Variants in SEMA3F observed in about 807,000 individuals in gnomAD.
SEMA3F encodes the protein semaphorin-3F.
In SEMA3F, 30 loss-of-function variants were observed where a neutral mutation model predicts 98.5. The observed-to-expected ratio is 0.30, with a 90% confidence interval of 0.23 to 0.41. The LOEUF (loss-of-function observed/expected upper bound fraction) is 0.41. Among genes scored for constraint, SEMA3F ranks in the 10% least tolerant of loss-of-function variants. The pLI, the probability that SEMA3F is intolerant of heterozygous loss-of-function variation, is 1.00. For missense variants in SEMA3F, 866 were observed against 1,119.3 expected, an observed-to-expected ratio of 0.77 and a Z score of 3.23; for synonymous variants, 380 against 444.8, an observed-to-expected ratio of 0.85 and a Z score of 1.83.
intron 2 of SEMA3F, among the ~76,000 whole-genome samples, chr3:50,160,231 C>G (rs996493637): frequency 1.3e-5 from 2 of 152,090 alleles, no homozygotes; most frequent in African/African-American, 4.8e-5. Flanking sequence ...TTCCTATGGT[C>G]TCCAAGTGGG....
At position 50,188,113 on chromosome 3, in the gene SEMA3F, T is replaced by TA; in HGVS notation, c.2356_2357insA (p.Ter786=). The part of the protein sequence containing the change: ...RNRRHHPPDT[*] Reference sequence around the variant, plus strand: ...CCGCCGGCACCACCCTCCGGACACATGAGGCCAGCTGCCTGTGCCTGCCAT... The same window carrying TA: ...CCGCCGGCACCACCCTCCGGACACATAGAGGCCAGCTGCCTGTGCCTGCCAT... The change falls in exon 19 of 19, where the codon TGA becomes TAGA. Residue 786 remains the stop codon, a frameshift_variant and stop_retained_variant. Coordinates refer to ENST00000002829, the MANE Select transcript of SEMA3F (RefSeq NM_004186.5). LOFTEE classifies it high-confidence loss of function. This position sits in a 1 kb window ranked among gnomAD's most constrained non-coding sequence, Gnocchi z 4.5. The TA allele has an allele frequency of 6.7e-7, 1 of 1,484,260 alleles. No individual in the cohort carries two copies. Among genetic ancestry groups the TA allele is most frequent in the Non-Finnish European group, 8.9e-7 (1 of 1,119,642 alleles). 91.9% of individuals were successfully genotyped at this position (1,484,260 alleles called of 1,614,324 possible).
intron 18 of SEMA3F, 124 bp downstream of exon 18, chr3:50,186,870 ATGCAAATCCTT>A: frequency 9.7e-7 from 1 of 1,033,996 alleles, no homozygotes; most frequent in Non-Finnish European, 1.3e-6. Flanking sequence ...CCTTCCCTAC[ATGCAAATCCTT>A]TGAGTGAAAA....
Position 50,185,544 on chromosome 3 carries a change from C to T in SEMA3F, c.1545+13C>T. The T allele has an allele frequency of 6.2e-7, 1 of 1,611,486 alleles. No homozygotes were observed. Among genetic ancestry groups the T allele is most frequent in the Non-Finnish European group, 8.5e-7 (1 of 1,177,688 alleles). On this transcript the variant is annotated intron_variant, in intron 14 of 18. Transcript: ENST00000002829. The stretch of plus-strand genomic sequence containing the variant: ...GGAGGTCTTCAAGGTGGGTGTGACA[C>T]CACCCAGTCCTGACCTCCCCACCTT...
chr3:50,169,212 G>A (rs537192324), intron 2 of SEMA3F, among the ~76,000 whole-genome samples: 1 of 152,324 alleles, frequency 6.6e-6, no homozygotes, highest in South Asian at 2.1e-4. Flanking sequence ...TCGGGTGAGG[G>A]CTGTGGACAC....
intron 7 of SEMA3F, among the ~76,000 whole-genome samples, chr3:50,181,066 CAAA>C (rs74579972): frequency 4.2e-5 from 4 of 95,488 alleles, no homozygotes; most frequent in Admixed American, 1.2e-4. Flanking sequence ...GACTCCATCT[CAAA>C]AAAAAAAAAA....
intron 7 of SEMA3F, among the ~76,000 whole-genome samples, chr3:50,181,740 C>G (rs983584966): frequency 2.6e-5 from 4 of 152,182 alleles, no homozygotes; most frequent in Non-Finnish European, 5.9e-5. Context: ...CCTGCCTCAG[C>G]CTCCCGTGTA....
chr3:50,173,774 C>T lies in SEMA3F; in HGVS notation c.113-19C>T. 6.2e-7 allele frequency: 1 copy of T among 1,612,204 alleles called. No individual in the cohort carries two copies. The highest frequency in any genetic ancestry group is 8.5e-7 in the Non-Finnish European group (1 of 1,178,748). On this transcript the variant is annotated intron_variant, in intron 2 of 18. Transcript: ENST00000002829. ...GGTTTCCTGAAGGTCCTAATTGGTG[C>T]CCTGCCCTCCACCCACAGAGCTGAA... is the stretch of plus-strand genomic sequence containing the variant.
intron 2 of SEMA3F, among the ~76,000 whole-genome samples, chr3:50,170,502 C>T (rs1196717092): frequency 6.6e-6 from 1 of 152,126 alleles, no homozygotes; most frequent in Admixed American, 6.5e-5. Context: ...ATTCCACTCT[C>T]CTTTCCCTGA....
Position 50,182,823 on chromosome 3 carries a change from G to T in SEMA3F, c.903+40G>T, listed in dbSNP as rs781481353. On this transcript the variant is annotated intron_variant, in intron 9 of 18. Coordinates refer to ENST00000002829, the MANE Select transcript of SEMA3F (RefSeq NM_004186.5). The surrounding 1 kb of genome is among the most constrained non-coding windows in gnomAD (Gnocchi z 4.5). The stretch of plus-strand genomic sequence containing the variant: ...AGCCACCAGGCTGCCCCTTCCACCA[G>T]TTCTGGCTTCATCAGCCCTGCTCCA... 3.7e-6 allele frequency: 6 copies of T among 1,611,244 alleles called. 1 individual carries two copies. The highest frequency in any genetic ancestry group is 3.3e-4 in the Middle Eastern group (2 of 6,080).
chr3:50,183,515 A>AC lies in SEMA3F; in HGVS notation c.1186dup (p.Gln396ProfsTer34). ...TTTGCCCACAAAGAGGGGCCCAACT[A>AC]CCAGTGGATGCCCTTCTCAGGGAAG... is the stretch of plus-strand genomic sequence containing the variant. On this transcript the variant is annotated frameshift_variant, in exon 12 of 19. Transcript: ENST00000002829. LOFTEE classifies it high-confidence loss of function. The AC allele has an allele frequency of 6.2e-7, 1 of 1,614,034 alleles. No individual in the cohort carries two copies. Among genetic ancestry groups the AC allele is most frequent in the Non-Finnish European group, 8.5e-7 (1 of 1,180,018 alleles).
chr3:50,177,339 G>C (rs888631619), intron 7 of SEMA3F, among the ~76,000 whole-genome samples: 1 of 152,198 alleles, frequency 6.6e-6, no homozygotes, highest in African/African-American at 2.4e-5. Flanking sequence ...GTAGGTGTCT[G>C]GGAGGGTTGG....
chr3:50,182,914 G>C lies in SEMA3F; in HGVS notation c.914G>C (p.Gly305Ala). The C allele has an allele frequency of 1.2e-6, 2 of 1,613,910 alleles. No homozygotes were observed. Among genetic ancestry groups the C allele is most frequent in the Non-Finnish European group, 1.7e-6 (2 of 1,179,956 alleles). The change falls in exon 10 of 19, where the codon GGT becomes GCT. Residue 305 changes from glycine (G) to alanine (A), a missense_variant. Around this residue, in one of 3 missense-constraint regions of SEMA3F, gnomAD observed 374 missense variants for 582.8 expected, o/e 0.64. Transcript: ENST00000002829. The surrounding 1 kb of genome is among the most constrained non-coding windows in gnomAD (Gnocchi z 4.5). ...TGCCCCACCCCCCAGAACGATGACG[G>C]TGGTCACTGTTGCCTGGTCAACAAG... ...RIGRICLNDD[G>A]GHCCLVNKWS... is the part of the protein sequence containing the mutation.
intron 5 of SEMA3F, 41 bp from the exon 6 acceptor site, chr3:50,175,055 C>T: frequency 7.0e-7 from 1 of 1,419,830 alleles, no homozygotes; most frequent in Non-Finnish European, 9.9e-7. Flanking sequence ...CCCCCAGCCC[C>T]TGCCACCCCC....
chr3:50,173,840 A>G lies in SEMA3F; in HGVS notation c.160A>G (p.Thr54Ala). Residue 54 changes from threonine (T) to alanine (A), a missense_variant, in exon 3 of 19, where the codon ACA becomes GCA. Transcript: ENST00000002829. ...CCACTTCTTCAACTTCCTGCTCAAC[A>G]CAACCGACTACCGAATCTTGCTCAA... Reference protein sequence around the residue: ...TAHFFNFLLNTTDYRILLKDE... With the variant: ...TAHFFNFLLNATDYRILLKDE... 2.5e-6 allele frequency: 4 copies of G among 1,614,038 alleles called. No individual in the cohort carries two copies. The highest frequency in any genetic ancestry group is 1.6e-4 in the Middle Eastern group (1 of 6,062).
At chr3:50,174,703 A>G (rs56771167) in intron 5 of SEMA3F, among the ~76,000 whole-genome samples, 212 of 152,334 alleles carry the variant, frequency 1.4e-3, no homozygotes, top group African/African-American at 4.8e-3. Flanking sequence ...GGGGCCTTGC[A>G]ATAGGAGGCT....
rs904215685 is a variant in SEMA3F, at chr3:50,156,843, G to A, written c.-49+1279G>A. Among the ~76,000 whole-genome samples the A allele has an allele frequency of 3.3e-5, 5 of 152,166 alleles. No individual in the cohort carries two copies. Among genetic ancestry groups the A allele is most frequent in the African/African-American group, 7.2e-5 (3 of 41,430 alleles). On this transcript the variant is annotated intron_variant, in intron 1 of 18. Transcript: ENST00000002829. The surrounding 1 kb of genome is among the most constrained non-coding windows in gnomAD (Gnocchi z 4.5). ...GCCCCTCGCTGCTCAGCATACCTTG[G>A]GGGGAGGATGGAGCCAGGCTCAGGT... is the stretch of plus-strand genomic sequence containing the variant.
chr3:50,168,102 CA>C (rs1698471201), intron 2 of SEMA3F, among the ~76,000 whole-genome samples: 1 of 152,226 alleles, frequency 6.6e-6, no homozygotes, highest in African/African-American at 2.4e-5. Flanking sequence ...CAACCTGGCT[CA>C]CCTACCTGGG....
intron 2 of SEMA3F, chr3:50,173,450 T>A (rs1206529957): frequency 3.8e-6 from 1 of 266,520 alleles, no homozygotes; most frequent in South Asian, 4.8e-5. Flanking sequence ...CCAGCCTGGG[T>A]GACAGAGTGA....
rs758669004 is a variant in SEMA3F, at chr3:50,184,792, T to C, written c.1434T>C (p.Tyr478=). The stretch of plus-strand genomic sequence containing the variant: ...AGGTGGATGCAGCCGACGGGCGCTA[T>C]GAGGTGCTTTTCCTGGGCACAGGTA... ...VDQVDAADGR[Y]EVLFLGTDRG... The change falls in exon 13 of 19, where the codon TAT becomes TAC. Residue 478 remains tyrosine, a synonymous_variant. Transcript: ENST00000002829. 1.5e-5 allele frequency: 25 copies of C among 1,613,902 alleles called. No individual in the cohort carries two copies. The highest frequency in any genetic ancestry group is 2.0e-5 in the Non-Finnish European group (24 of 1,179,910).
Sources: gnomAD v4.1 joint callset for allele counts (sites outside exome capture counted in the v4.1 genomes callset) on GRCh38, gnomAD v4.1.1 for gene constraint, gnomAD v4.1.1 regional missense constraint, Gnocchi (gnomAD v3.1) non-coding constraint, MANE v1.5 for transcripts, NCBI Gene and HGNC (gene_info 2026-07-23, HGNC 2026-07-21) for gene names.